Variants in APBB1IP observed in about 807,000 individuals in gnomAD.
The protein encoded by APBB1IP is amyloid beta precursor protein binding family B member 1 interacting protein.
APBB1IP carries 27 observed loss-of-function variants against 64.9 expected under a neutral mutation model. The ratio of observed to expected loss-of-function variants is 0.42; its 90% CI spans 0.31 to 0.57. APBB1IP has a LOEUF of 0.57. Ranked by LOEUF, APBB1IP falls within the 20% of genes least tolerant of loss-of-function variation. The probability of loss-of-function intolerance (pLI) is 0.20; values close to 1 mark genes in which losing one functional copy is unlikely to be tolerated. For synonymous variants in APBB1IP, 392 were observed against 331.0 expected (o/e 1.18, Z -2.00); for missense variants, 812 against 845.5 (o/e 0.96, Z 0.49).
chr10:26,551,933 GGATGGA>G lies in APBB1IP; in HGVS notation c.1156-8171_1156-8166del, dbSNP rs1836835876. Reference sequence around the variant, plus strand: ...TGGATGGACAGATGGGTGGGTGGATGGATGGATGGATGGATGGATGGATGGATGGAT... The same window carrying G: ...TGGATGGACAGATGGGTGGGTGGATGTGGATGGATGGATGGATGGATGGAT... On this transcript the variant is annotated intron_variant, in intron 11 of 14. Coordinates refer to ENST00000376236, the MANE Select transcript of APBB1IP (RefSeq NM_019043.4). 5.1e-5 allele frequency among the ~76,000 whole-genome samples: 7 copies of G among 138,216 alleles called. 1 individual carries two copies. In the South Asian group the frequency reaches 1.7e-3, roughly 34 times the overall value. 90.7% of individuals were successfully genotyped at this position (138,216 alleles called of 152,430 possible).
intron 14 of APBB1IP, among the ~76,000 whole-genome samples, chr10:26,566,758 C>G (rs544772948): frequency 6.6e-6 from 1 of 151,920 alleles, no homozygotes; most frequent in East Asian, 1.9e-4. Flanking sequence ...CTGGGGCTGC[C>G]TTGAGAATAA....
rs766645340 is a variant in APBB1IP, at chr10:26,500,851, G to C, written c.193G>C (p.Asp65His). The C allele has an allele frequency of 6.2e-7, 1 of 1,614,070 alleles. No individual in the cohort carries two copies. Among genetic ancestry groups the C allele is most frequent in the Non-Finnish European group, 8.5e-7 (1 of 1,179,948 alleles). The change falls in exon 5 of 15, where the codon GAT (aspartate) becomes CAT (histidine). Residue 65 changes from aspartate to histidine, a missense_variant. Physicochemically the swap from Asp to His is moderately conservative, Grantham distance 81. Around this residue, in one of 3 missense-constraint regions of APBB1IP, gnomAD observed 394 missense variants for 413.1 expected, o/e 0.95. Transcript: ENST00000376236. ...AAATGCACTGGAAGACCAAGATTTAGATGCTCTCATGGCAGATCTGGTAGC... is the reference window on the plus strand; with the variant it reads ...AAATGCACTGGAAGACCAAGATTTACATGCTCTCATGGCAGATCTGGTAGC... ...SLNALEDQDLDALMADLVADI... is the reference protein window; with the variant it reads ...SLNALEDQDLHALMADLVADI...
chr10:26,492,260 A>T, intron 2 of APBB1IP, 67 bp from the exon 3 acceptor site: 3 of 1,411,168 alleles, frequency 2.1e-6, no homozygotes, highest in Non-Finnish European at 1.0e-6. Flanking sequence ...AAAGAGAGGG[A>T]TGCAAAGAGT....
At chr10:26,520,702 T>C (rs1588600671) in intron 8 of APBB1IP, among the ~76,000 whole-genome samples, 1 of 152,166 alleles carries the variant, frequency 6.6e-6, no homozygotes, top group Non-Finnish European at 1.5e-5. Context: ...CACACCTAGG[T>C]TTCAAATGTC....
At chr10:26,489,609 GT>G (rs1207463241) in intron 2 of APBB1IP, among the ~76,000 whole-genome samples, 2 of 152,202 alleles carry the variant, frequency 1.3e-5, no homozygotes, top group African/African-American at 4.8e-5. Context: ...GGTGCTAAAT[GT>G]TGCTAATATC....
At chr10:26,495,990 A>T (rs12244856) in intron 3 of APBB1IP, among the ~76,000 whole-genome samples, 1 of 143,318 alleles carries the variant, frequency 7.0e-6, no homozygotes, top group East Asian at 2.0e-4. Flanking sequence ...TAATATATAT[A>T]TTATATATAT....
intron 2 of APBB1IP, among the ~76,000 whole-genome samples, chr10:26,444,837 G>C (rs1233079478): frequency 6.6e-6 from 1 of 152,098 alleles, no homozygotes; most frequent in South Asian, 2.1e-4. Flanking sequence ...GGTGGCTCAC[G>C]CCTGTAATCC....
At chr10:26,441,198 G>A (rs1835334327) in intron 2 of APBB1IP, among the ~76,000 whole-genome samples, 1 of 152,144 alleles carries the variant, frequency 6.6e-6, no homozygotes, top group African/African-American at 2.4e-5. Context: ...TAAAGCTTAA[G>A]CATTTATTAT....
intron 8 of APBB1IP, among the ~76,000 whole-genome samples, chr10:26,530,823 T>A (rs1309849981): frequency 2.0e-5 from 3 of 152,146 alleles, no homozygotes. Context: ...CTTGTGAGGA[T>A]GAAATAAAAT....
intron 2 of APBB1IP, among the ~76,000 whole-genome samples, chr10:26,465,181 A>G (rs1835634306): frequency 6.6e-6 from 1 of 152,244 alleles, no homozygotes; most frequent in Non-Finnish European, 1.5e-5. Flanking sequence ...CCATATATGA[A>G]AAAACTACCC....
At chr10:26,498,720 T>C (rs1240409225) in intron 4 of APBB1IP, among the ~76,000 whole-genome samples, 1 of 152,188 alleles carries the variant, frequency 6.6e-6, no homozygotes, top group African/African-American at 2.4e-5. Context: ...CAGTGCCTGG[T>C]ATCACAGTAC....
At chr10:26,511,594 A>G (rs1266906041) in intron 6 of APBB1IP, among the ~76,000 whole-genome samples, 153 bp from the exon 7 acceptor site, 2 of 152,214 alleles carry the variant, frequency 1.3e-5, no homozygotes. Flanking sequence ...ACCTAAAACA[A>G]GTGCTTGGCA....
intron 2 of APBB1IP, among the ~76,000 whole-genome samples, chr10:26,477,249 G>C (rs1263651663): frequency 1.3e-5 from 2 of 152,242 alleles, no homozygotes; most frequent in East Asian, 3.8e-4. Flanking sequence ...GGCACACGAT[G>C]TCACATGGTC....
intron 4 of APBB1IP, among the ~76,000 whole-genome samples, chr10:26,497,536 G>C (rs1836041465): frequency 6.6e-6 from 1 of 151,342 alleles, no homozygotes; most frequent in Non-Finnish European, 1.5e-5. Context: ...GGGCGGCAGA[G>C]CGAGACTCTG....
At chr10:26,509,658 G>A (rs944714845) in intron 6 of APBB1IP, 1 of 152,202 alleles carries the variant, frequency 6.6e-6, no homozygotes, top group Non-Finnish European at 1.5e-5. Context: ...GGTTAGGTCT[G>A]GTTAGTACTT....
chr10:26,567,044 C>T lies in APBB1IP; in HGVS notation c.1557C>T (p.Pro519=). 1 of 1,531,484 alleles carries T rather than the reference C, an allele frequency of 6.5e-7. No individual in the cohort carries two copies. The highest frequency in any genetic ancestry group is 8.7e-7 in the Non-Finnish European group (1 of 1,152,896). 94.9% of individuals were successfully genotyped at this position (1,531,484 alleles called of 1,614,324 possible). A position where few individuals can be genotyped will look rare whatever the true frequency, so the allele number is the denominator to read the frequency against. Residue 519 remains proline, a synonymous_variant, in exon 15 of 15, where the codon CCC becomes CCT. Coordinates refer to ENST00000376236, the MANE Select transcript of APBB1IP (RefSeq NM_019043.4). ...PHAPKSSLPP[P]PPVRRSSDTS... ...CCCCCAAGTCCAGCCTGCCCCCGCC[C>T]CCTCCGGTGCGGAGGTCCTCCGACA...
At chr10:26,555,376 T>C (rs1588618236) in intron 11 of APBB1IP, among the ~76,000 whole-genome samples, 1 of 152,342 alleles carries the variant, frequency 6.6e-6, no homozygotes, top group East Asian at 1.9e-4. Context: ...ACCTCAGCCA[T>C]ACAGAATTTC....
chr10:26,505,414 C>T (rs966495181), intron 6 of APBB1IP, among the ~76,000 whole-genome samples: 9 of 152,160 alleles, frequency 5.9e-5, no homozygotes, highest in Admixed American at 2.6e-4. Context: ...CCTCATCTGC[C>T]TTGTCCTTTT....
chr10:26,518,909 T>C (rs922846169), intron 8 of APBB1IP, among the ~76,000 whole-genome samples: 47 of 152,156 alleles, frequency 3.1e-4, no homozygotes, highest in Non-Finnish European at 6.5e-4. Context: ...TCACACAGAT[T>C]TTTTATTAAA....
Sources: allele counts gnomAD v4.1 joint callset (sites outside exome capture counted in the v4.1 genomes callset), GRCh38; gene constraint gnomAD v4.1.1; regional missense constraint gnomAD v4.1.1; transcripts MANE v1.5; gene names NCBI Gene and HGNC (gene_info 2026-07-23, HGNC 2026-07-21).